TAF4B: variants seen among roughly 807,000 people sequenced by gnomAD.
TAF4B encodes transcription initiation factor TFIID subunit 4B.
Under a neutral mutation model 86.4 loss-of-function variants are expected in TAF4B, and 38 were observed. The ratio of observed to expected loss-of-function variants is 0.44; its 90% CI spans 0.34 to 0.58. TAF4B has a LOEUF of 0.58. Ranked by LOEUF, TAF4B falls within the 20% of genes least tolerant of loss-of-function variation. The probability of loss-of-function intolerance (pLI) is 0.02; values close to 1 mark genes in which losing one functional copy is unlikely to be tolerated. For synonymous variants in TAF4B, 388 were observed against 391.2 expected (o/e 0.99, Z 0.10); for missense variants, 988 against 1,027.6 (o/e 0.96, Z 0.53).
chr18:26,279,854 C>T (rs970889891), intron 5 of TAF4B, among the ~76,000 whole-genome samples: 6 of 152,062 alleles, frequency 3.9e-5, no homozygotes, highest in African/African-American at 7.2e-5. Flanking sequence ...CCAGTATGGT[C>T]AACATGGCGA....
At chr18:26,291,603 A>G (rs574748899) in intron 7 of TAF4B, among the ~76,000 whole-genome samples, 41 of 150,286 alleles carry the variant, frequency 2.7e-4, no homozygotes, top group Admixed American at 2.3e-3. Flanking sequence ...GCTACTCAGG[A>G]GGCTGAGGCA....
chr18:26,346,797 ATGTG>A (rs1186267913), intron 13 of TAF4B, among the ~76,000 whole-genome samples: 852 of 21,016 alleles, frequency 0.041, 49 homozygotes, highest in Middle Eastern at 0.077. Flanking sequence ...ATATATATAT[ATGTG>A]TATATATATA....
intron 13 of TAF4B, among the ~76,000 whole-genome samples, chr18:26,346,809 ATATATATGTGTGTG>A (rs2057191818): frequency 2.3e-4 from 7 of 30,748 alleles, no homozygotes; most frequent in Non-Finnish European, 5.0e-4. Flanking sequence ...GTGTATATAT[ATATATATGTGTGTG>A]TATATATATA....
rs1027714775 is a variant in TAF4B, at chr18:26,389,863, C to A, written c.2440C>A (p.Leu814Ile). ...SGIEGLKDNL[L>I]ASGTSSLTAT... is the part of the protein sequence containing the mutation. ...TTTTTAGGGCTTAAAAGACAACCTT[C>A]TTGCTTCTGGGACATCCAGCCTGAC... Residue 814 changes from leucine to isoleucine, a missense_variant, in exon 15 of 15, where the codon CTT becomes ATT. Coordinates refer to ENST00000269142, the MANE Select transcript of TAF4B (RefSeq NM_005640.3). 8 of 1,612,294 alleles carry A rather than the reference C, an allele frequency of 5.0e-6. No homozygotes were observed. In the African/African-American group the frequency reaches 1.1e-4, roughly 22 times the overall value.
At chr18:26,241,986 G>T in intron 1 of TAF4B, among the ~76,000 whole-genome samples, 1 of 152,100 alleles carries the variant, frequency 6.6e-6, no homozygotes, top group East Asian at 1.9e-4. Flanking sequence ...ACATTTGCTG[G>T]GGAGTGCTTT....
At chr18:26,324,643 T>A (rs577332740) in intron 11 of TAF4B, among the ~76,000 whole-genome samples, 9 of 152,176 alleles carry the variant, frequency 5.9e-5, no homozygotes, top group Non-Finnish European at 1.0e-4. Flanking sequence ...CCTCACTAAG[T>A]TAGCTTGAAG....
At chr18:26,301,368 C>G (rs546664969) in intron 9 of TAF4B, among the ~76,000 whole-genome samples, 1 of 151,890 alleles carries the variant, frequency 6.6e-6, no homozygotes, top group Non-Finnish European at 1.5e-5. Context: ...CTCACTGCAG[C>G]CTTGAACTTC....
At chr18:26,311,457 A>G (rs544925608) in intron 9 of TAF4B, among the ~76,000 whole-genome samples, 29 of 152,214 alleles carry the variant, frequency 1.9e-4, no homozygotes, top group South Asian at 4.2e-4. Flanking sequence ...CAACGTGGCA[A>G]AATCCTGTCT....
chr18:26,338,899 T>A (rs2057114451), intron 13 of TAF4B, among the ~76,000 whole-genome samples: 1 of 152,214 alleles, frequency 6.6e-6, no homozygotes, highest in South Asian at 2.1e-4. Flanking sequence ...TCAAATAATT[T>A]CTTTTCATTC....
In TAF4B at chr18:26,335,718, A is replaced by G. The variant is rs140667406; in HGVS notation, c.2316+487A>G. 2.5e-3 allele frequency among the ~76,000 whole-genome samples: 381 copies of G among 152,298 alleles called. 1 individual carries two copies. Among genetic ancestry groups the G allele is most frequent in the African/African-American group, 7.6e-3 (317 of 41,558 alleles). On this transcript the variant is annotated intron_variant, in intron 13 of 14. Coordinates refer to ENST00000269142, the MANE Select transcript of TAF4B (RefSeq NM_005640.3). The stretch of plus-strand genomic sequence containing the variant: ...TTCTGGAATGGAGCCCTTGTTTCAC[A>G]CAGTTCATGTTTAGCTGCAGGGGTT...
At chr18:26,273,285 T>G (rs1042191324) in intron 3 of TAF4B, among the ~76,000 whole-genome samples, 1 of 152,218 alleles carries the variant, frequency 6.6e-6, no homozygotes, top group African/African-American at 2.4e-5. Flanking sequence ...ATTTTGTCAT[T>G]TCATGTTTTT....
At chr18:26,251,315 A>G (rs533563605) in intron 1 of TAF4B, among the ~76,000 whole-genome samples, 65 of 152,314 alleles carry the variant, frequency 4.3e-4, no homozygotes, top group South Asian at 2.7e-3. Context: ...CTGTATATGT[A>G]TTAAATTGTA....
rs528588062 is a variant in TAF4B at position 26,264,967 on chromosome 18, C to T, written c.344-203C>T. Among the ~76,000 whole-genome samples the T allele has an allele frequency of 2.0e-5, 3 of 152,286 alleles. No individual in the cohort carries two copies. The South Asian group carries it at 6.2e-4, about 32-fold the overall frequency. On this transcript the variant is annotated intron_variant, in intron 1 of 14. Transcript: ENST00000269142. ...TGTTTTGCTTTCTTCAGGAGCATCT[C>T]ATTATATTCATAGATTTTAAATTTT... is the stretch of plus-strand genomic sequence containing the variant.
At chr18:26,296,244 G>A (rs1020611263) in intron 9 of TAF4B, among the ~76,000 whole-genome samples, 7 of 151,858 alleles carry the variant, frequency 4.6e-5, no homozygotes, top group African/African-American at 7.3e-5. Flanking sequence ...CATTTTCTCC[G>A]CTTCCAAATG....
At chr18:26,304,572 T>C (rs190448194) in intron 9 of TAF4B, among the ~76,000 whole-genome samples, 2 of 152,306 alleles carry the variant, frequency 1.3e-5, no homozygotes, top group Non-Finnish European at 2.9e-5. Context: ...TGTGACTGTT[T>C]CTAGTAGACC....
At chr18:26,328,233 G>A (rs1008164365) in intron 12 of TAF4B, among the ~76,000 whole-genome samples, 4 of 152,086 alleles carry the variant, frequency 2.6e-5, no homozygotes, top group African/African-American at 4.8e-5. Context: ...GGCGGATCAC[G>A]AGGTCAGGAG....
chr18:26,309,868 G>A (rs761565549), intron 9 of TAF4B, among the ~76,000 whole-genome samples: 4 of 151,914 alleles, frequency 2.6e-5, no homozygotes, highest in African/African-American at 9.7e-5. Context: ...TCACTCTGTC[G>A]CCCAAGCTGG....
chr18:26,227,447 T>C (rs1385260050), intron 1 of TAF4B, among the ~76,000 whole-genome samples, 171 bp downstream of exon 1: 1 of 152,202 alleles, frequency 6.6e-6, no homozygotes, highest in African/African-American at 2.4e-5. Flanking sequence ...TTTCTTTTCA[T>C]ATTTAAGGAA....
rs75907768 is a variant in TAF4B, at chr18:26,268,566, G to C, written c.597+943G>C. Among the ~76,000 whole-genome samples, 735 of 152,224 alleles carry C rather than the reference G, an allele frequency of 4.8e-3. 8 individuals carry two copies. Among genetic ancestry groups the C allele is most frequent in the African/African-American group, 0.017 (697 of 41,540 alleles). On this transcript the variant is annotated intron_variant, in intron 3 of 14. Transcript: ENST00000269142. Reference sequence around the variant, plus strand: ...GTTCATTTGAGGTCAGGGTTGCTACGGCTTGTCTATTTATCATCACAATTG... The same window carrying C: ...GTTCATTTGAGGTCAGGGTTGCTACCGCTTGTCTATTTATCATCACAATTG...
Sources: gnomAD v4.1 joint callset for allele counts (sites outside exome capture counted in the v4.1 genomes callset) on GRCh38, gnomAD v4.1.1 for gene constraint, MANE v1.5 for transcripts, NCBI Gene and HGNC (gene_info 2026-07-23, HGNC 2026-07-21) for gene names.